The following GBP7 variants were observed in gnomAD, a reference collection of about 807,000 sequenced individuals.
GBP7 encodes guanylate-binding protein 7.
In GBP7, 43 loss-of-function variants were observed where a neutral mutation model predicts 61.3. The ratio of observed to expected loss-of-function variants is 0.70; its 90% CI spans 0.55 to 0.91. The LOEUF (loss-of-function observed/expected upper bound fraction) is 0.91, where lower values mean the gene tolerates loss of function less well. GBP7 is among the 40% of genes least tolerant of loss of function. The probability of loss-of-function intolerance (pLI) is 0.00; values close to 1 mark genes in which losing one functional copy is unlikely to be tolerated. For missense variants in GBP7, 717 were observed against 740.5 expected, an observed-to-expected ratio of 0.97 and a Z score of 0.37; for synonymous variants, 267 against 271.0, an observed-to-expected ratio of 0.99 and a Z score of 0.14.
chr1:89,171,539 A>G (rs1405004281), intron 2 of GBP7, among the ~76,000 whole-genome samples: 2 of 151,828 alleles, frequency 1.3e-5, no homozygotes, highest in Admixed American at 6.6e-5. Flanking sequence ...CCTTATTTAT[A>G]TATGAAATGT....
At chr1:89,143,254 G>C (rs1293221734) in intron 8 of GBP7, among the ~76,000 whole-genome samples, 1 of 152,164 alleles carries the variant, frequency 6.6e-6, no homozygotes. Context: ...ACTCAGATAA[G>C]TGAAATTACC....
intron 3 of GBP7, among the ~76,000 whole-genome samples, chr1:89,164,017 C>T (rs1403248989): frequency 6.6e-6 from 1 of 151,850 alleles, no homozygotes; most frequent in African/African-American, 2.4e-5. Context: ...TTACAGGTGC[C>T]CGCCTCTGCG....
chr1:89,132,956 G>A (rs760840012), intron 10 of GBP7, among the ~76,000 whole-genome samples: 1 of 152,136 alleles, frequency 6.6e-6, no homozygotes, highest in Admixed American at 6.5e-5. Flanking sequence ...AGAATCCTAA[G>A]GGCTGGTGGA....
At chr1:89,133,218 C>T (rs368094315) in intron 10 of GBP7, 40 bp downstream of exon 10, 3 of 1,515,080 alleles carry the variant, frequency 2.0e-6, no homozygotes, top group Admixed American at 1.8e-5. Flanking sequence ...GAGGAACTGG[C>T]ATTGTGCCTC....
chr1:89,140,758 T>A (rs1681921308), intron 9 of GBP7, among the ~76,000 whole-genome samples: 1 of 152,222 alleles, frequency 6.6e-6, no homozygotes, highest in South Asian at 2.1e-4. Flanking sequence ...TGCATGTTCA[T>A]CGGTGCACTA....
intron 1 of GBP7, among the ~76,000 whole-genome samples, chr1:89,175,241 G>A (rs768001625): frequency 1.3e-5 from 2 of 152,120 alleles, no homozygotes; most frequent in African/African-American, 4.8e-5. Context: ...TCCTCTGGAG[G>A]TTTATATTAA....
rs1056549729 is a variant in GBP7 at position 89,162,235 on chromosome 1, C to T, written c.318+2496G>A. Reference sequence around the variant, plus strand: ...GCTTTGTTCTTTTTGCTTAGAATTGCGTTGGCTATTTTTTGCCTGAGCTCT... The same window carrying T: ...GCTTTGTTCTTTTTGCTTAGAATTGTGTTGGCTATTTTTTGCCTGAGCTCT... On this transcript the variant is annotated intron_variant, in intron 3 of 10. Transcript: ENST00000294671. Among the ~76,000 whole-genome samples, 7 of 151,896 alleles carry T rather than the reference C, an allele frequency of 4.6e-5. No homozygotes were observed. In the East Asian group the frequency reaches 7.7e-4, roughly 17 times the overall value.
At chr1:89,166,137 C>G (rs1254497730) in intron 2 of GBP7, among the ~76,000 whole-genome samples, 2 of 152,090 alleles carry the variant, frequency 1.3e-5, no homozygotes, top group East Asian at 3.9e-4. Context: ...ACTAAGATAC[C>G]TGTGTATTTT....
chr1:89,133,569 GAA>G, intron 9 of GBP7, 118 bp from the exon 10 acceptor site: 1 of 772,320 alleles, frequency 1.3e-6, no homozygotes, highest in Non-Finnish European at 2.1e-6. Flanking sequence ...AGACCGTAAA[GAA>G]GACTGATAAA....
chr1:89,160,693 AAAG>A (rs919827388), intron 3 of GBP7, among the ~76,000 whole-genome samples: 1 of 152,184 alleles, frequency 6.6e-6, no homozygotes, highest in African/African-American at 2.4e-5. Flanking sequence ...AGGTGACAAA[AAAG>A]AAATAATTTC....
chr1:89,137,526 C>T (rs1185876586), intron 9 of GBP7, among the ~76,000 whole-genome samples: 2 of 152,166 alleles, frequency 1.3e-5, no homozygotes, highest in African/African-American at 2.4e-5. Context: ...ATTGATTCCT[C>T]ACACAAACGG....
At chr1:89,166,507 T>A (rs1001019788) in intron 2 of GBP7, among the ~76,000 whole-genome samples, 8 of 152,052 alleles carry the variant, frequency 5.3e-5, no homozygotes, top group Admixed American at 3.3e-4. Context: ...ATGACAAAAA[T>A]CAGGAAAATA....
intron 8 of GBP7, among the ~76,000 whole-genome samples, chr1:89,143,302 C>T (rs542356578): frequency 2.1e-4 from 32 of 152,150 alleles, no homozygotes; most frequent in African/African-American, 7.7e-4. Context: ...ATGCAAAGGA[C>T]CTTGCAGTTC....
At chr1:89,164,953 G>C in intron 2 of GBP7, 95 bp from the exon 3 acceptor site, 2 of 1,264,848 alleles carry the variant, frequency 1.6e-6, no homozygotes, top group Non-Finnish European at 2.2e-6. Flanking sequence ...TAAGTTCCTG[G>C]CAGGGGAAAC....
At chr1:89,147,443 C>G (rs1400744482) in intron 8 of GBP7, 124 bp downstream of exon 8, 1 of 700,240 alleles carries the variant, frequency 1.4e-6, no homozygotes, top group African/African-American at 1.8e-5. Context: ...TTTAAAATAT[C>G]AAGGTATTGC....
At chr1:89,141,087 A>G (rs565125031) in intron 9 of GBP7, among the ~76,000 whole-genome samples, 1 of 152,122 alleles carries the variant, frequency 6.6e-6, no homozygotes, top group African/African-American at 2.4e-5. Context: ...AAAACTACCT[A>G]TTGGGTACTA....
At chr1:89,170,282 G>A (rs1266866522) in intron 2 of GBP7, among the ~76,000 whole-genome samples, 2 of 152,080 alleles carry the variant, frequency 1.3e-5, no homozygotes, top group African/African-American at 4.8e-5. Flanking sequence ...TGCTCCTGTT[G>A]GTTTTGCTTT....
chr1:89,159,383 C>G (rs1292336965), intron 3 of GBP7, among the ~76,000 whole-genome samples: 2 of 152,156 alleles, frequency 1.3e-5, no homozygotes, highest in Non-Finnish European at 2.9e-5. Context: ...AACTAAAGAG[C>G]TTCTGCACAG....
At chr1:89,135,492 G>A (rs1378507144) in intron 9 of GBP7, among the ~76,000 whole-genome samples, 2 of 152,178 alleles carry the variant, frequency 1.3e-5, no homozygotes, top group Non-Finnish European at 2.9e-5. Flanking sequence ...CAAGCTAACA[G>A]TGGAACTTTC....
Sources: gnomAD v4.1 joint callset for allele counts (sites outside exome capture counted in the v4.1 genomes callset) on GRCh38, gnomAD v4.1.1 for gene constraint, MANE v1.5 for transcripts, NCBI Gene and HGNC (gene_info 2026-07-23, HGNC 2026-07-21) for gene names.